WDFY2: variants seen among roughly 807,000 people sequenced by gnomAD.
WDFY2 encodes the protein WD repeat and FYVE domain-containing protein 2.
In WDFY2, 36 loss-of-function variants were observed where a neutral mutation model predicts 56.4. That is an observed-to-expected ratio of 0.64 (90% CI 0.49 to 0.84). The LOEUF is 0.84. Among genes scored for constraint, WDFY2 ranks in the 40% least tolerant of loss-of-function variants. WDFY2 has a pLI of 0.00. For synonymous variants in WDFY2, 176 were observed against 183.7 expected (o/e 0.96, Z 0.34); for missense variants, 444 against 512.2 (o/e 0.87, Z 1.29).
intron 1 of WDFY2, among the ~76,000 whole-genome samples, chr13:51,614,410 C>T (rs970439464): frequency 6.6e-6 from 1 of 152,130 alleles, no homozygotes. Flanking sequence ...AACAAGTAAA[C>T]GGTTATTTTC....
rs1953706719 is a variant in WDFY2, at chr13:51,765,062, C to T, written c.*5293C>T. ...GTGGGAGGTCCTCCTTACAGGGGCA[C>T]TTGCAACAGGAAGGCAGAGAGTTTC... On this transcript the variant is annotated 3_prime_UTR_variant, in exon 12 of 12. Coordinates refer to ENST00000298125, the MANE Select transcript of WDFY2 (RefSeq NM_052950.4). 6.6e-6 allele frequency: 1 copy of T among 152,266 alleles called. No individual in the cohort carries two copies. Among genetic ancestry groups the T allele is most frequent in the South Asian group, 2.1e-4 (1 of 4,828 alleles). The allele number at this position is 152,266 out of a possible 1,614,324, so 9.4% of individuals were successfully genotyped here.
intron 1 of WDFY2, chr13:51,586,848 T>C (rs1040461921): frequency 6.6e-6 from 1 of 152,214 alleles, no homozygotes; most frequent in Non-Finnish European, 1.5e-5. Context: ...ATATACTTTT[T>C]TTCAAGTTGA....
intron 7 of WDFY2, 25 bp from the exon 8 acceptor site, chr13:51,751,285 C>A: frequency 1.2e-6 from 2 of 1,608,476 alleles, no homozygotes; most frequent in South Asian, 2.2e-5. Context: ...CCTAAACTGT[C>A]AATAACCCTT....
At chr13:51,613,411 G>T (rs1259758877) in intron 1 of WDFY2, among the ~76,000 whole-genome samples, 1 of 152,098 alleles carries the variant, frequency 6.6e-6, no homozygotes, top group Non-Finnish European at 1.5e-5. Context: ...CTAAAGTGAG[G>T]ACTAAAACAG....
At chr13:51,714,350 G>C (rs760797499) in intron 4 of WDFY2, among the ~76,000 whole-genome samples, 27 of 152,200 alleles carry the variant, frequency 1.8e-4, no homozygotes, top group Admixed American at 3.3e-4. Flanking sequence ...GGAGTGCAGT[G>C]GTGTGATCTT....
In WDFY2 at chr13:51,584,624, A is replaced by G; in HGVS notation, c.-64A>G. ...TCTCAACCTGTGTCCGTGCTCCAGC[A>G]GTCTCCTCAGCCCGGCCCCGCGGCG... On this transcript the variant is annotated 5_prime_UTR_variant, in exon 1 of 12. Transcript: ENST00000298125. 1 of 1,550,196 alleles carries G rather than the reference A, an allele frequency of 6.5e-7. No homozygotes were observed. The highest frequency in any genetic ancestry group is 8.7e-7 in the Non-Finnish European group (1 of 1,153,578).
chr13:51,724,363 G>A (rs1051269597), intron 5 of WDFY2, among the ~76,000 whole-genome samples: 1 of 149,130 alleles, frequency 6.7e-6, no homozygotes, highest in Admixed American at 6.7e-5. Flanking sequence ...TCAGCCTCCC[G>A]GGTAGCTGAA....
chr13:51,689,043 T>A (rs1956106062), intron 3 of WDFY2, among the ~76,000 whole-genome samples: 3 of 152,210 alleles, frequency 2.0e-5, no homozygotes, highest in Admixed American at 2.0e-4. Flanking sequence ...AGCAGGATAT[T>A]CCCCATTCAC....
At chr13:51,616,132 C>T (rs756558383) in intron 1 of WDFY2, among the ~76,000 whole-genome samples, 10 of 152,182 alleles carry the variant, frequency 6.6e-5, no homozygotes, top group African/African-American at 1.2e-4. Flanking sequence ...AGCTACTGGG[C>T]GGACTGAGGT....
chr13:51,696,296 G>C lies in WDFY2; in HGVS notation c.280-7300G>C, dbSNP rs1030422229. ...CTGACGCTGGGAGCTGTAGACCAGA[G>C]CTGTTCCTTTTTGGCCATCTTGGCT... On this transcript the variant is annotated intron_variant, in intron 3 of 11. Transcript: ENST00000298125. Among the ~76,000 whole-genome samples the C allele has an allele frequency of 2.0e-5, 3 of 152,302 alleles. No homozygotes were observed. The East Asian group carries it at 5.8e-4, about 29-fold the overall frequency.
chr13:51,719,412 A>G, intron 5 of WDFY2, 64 bp downstream of exon 5: 1 of 1,500,168 alleles, frequency 6.7e-7, no homozygotes. Context: ...TGATTCATGA[A>G]ATTTTGGGGT....
intron 3 of WDFY2, among the ~76,000 whole-genome samples, 174 bp downstream of exon 3, chr13:51,675,417 A>G (rs1330543336): frequency 6.6e-6 from 1 of 152,210 alleles, no homozygotes; most frequent in Admixed American, 6.5e-5. Context: ...GAGAGCTATC[A>G]TCAGTATCCA....
At chr13:51,736,649 C>T (rs1183299614) in intron 6 of WDFY2, among the ~76,000 whole-genome samples, 2 of 152,312 alleles carry the variant, frequency 1.3e-5, no homozygotes, top group South Asian at 2.1e-4. Flanking sequence ...CGCGCCACCA[C>T]GCCCAGCTAA....
intron 4 of WDFY2, among the ~76,000 whole-genome samples, chr13:51,712,631 G>C (rs1420562464): frequency 6.6e-6 from 1 of 151,688 alleles, no homozygotes; most frequent in African/African-American, 2.4e-5. Flanking sequence ...GGAGAGATCA[G>C]TAGAAGTTCA....
intron 7 of WDFY2, among the ~76,000 whole-genome samples, 182 bp downstream of exon 7, chr13:51,739,357 T>G (rs1172994023): frequency 6.6e-6 from 1 of 152,142 alleles, no homozygotes; most frequent in Non-Finnish European, 1.5e-5. Flanking sequence ...TTATACCCCA[T>G]TTTATTCCAC....
intron 1 of WDFY2, among the ~76,000 whole-genome samples, chr13:51,646,442 G>A (rs913364615): frequency 2.6e-5 from 4 of 152,136 alleles, no homozygotes; most frequent in South Asian, 2.1e-4. Flanking sequence ...ATGCCCCCAC[G>A]TGCCCCTATC....
intron 1 of WDFY2, among the ~76,000 whole-genome samples, chr13:51,604,836 G>A (rs1954355344): frequency 6.6e-6 from 1 of 152,192 alleles, no homozygotes. Flanking sequence ...TGATGGTGGT[G>A]CCTGAACTGA....
chr13:51,599,735 A>T (rs897577742), intron 1 of WDFY2, among the ~76,000 whole-genome samples: 1 of 152,210 alleles, frequency 6.6e-6, no homozygotes, highest in East Asian at 1.9e-4. Context: ...ACTAAAGATT[A>T]TAAGTTATAG....
chr13:51,617,611 T>C (rs977541333), intron 1 of WDFY2, among the ~76,000 whole-genome samples: 3 of 152,212 alleles, frequency 2.0e-5, no homozygotes, highest in Non-Finnish European at 4.4e-5. Flanking sequence ...TTTCATTGTG[T>C]TTTCCCATAA....
Sources: allele counts gnomAD v4.1 joint callset (sites outside exome capture counted in the v4.1 genomes callset), GRCh38; gene constraint gnomAD v4.1.1; transcripts MANE v1.5; gene names NCBI Gene and HGNC (gene_info 2026-07-23, HGNC 2026-07-21).